Variants in CDK13 observed in about 807,000 individuals in gnomAD.
The protein encoded by CDK13 is cyclin dependent kinase 13, also known as cyclin-dependent kinase 13.
Under a neutral mutation model 137.6 loss-of-function variants are expected in CDK13, and 40 were observed. That is an observed-to-expected ratio of 0.29 (90% CI 0.23 to 0.38). The LOEUF (loss-of-function observed/expected upper bound fraction) is 0.38, where lower values mean the gene tolerates loss of function less well. Among genes scored for constraint, CDK13 ranks in the 10% least tolerant of loss-of-function variants. The pLI is 1.00. For missense variants in CDK13, 1,704 were observed against 1,951.8 expected (o/e 0.87, Z 2.39); for synonymous variants, 869 against 760.1 (o/e 1.14, Z -2.36).
Position 40,009,787 on chromosome 7 carries a change from T to G in CDK13, c.2353+7756T>G, listed in dbSNP as rs1364163835. 3.9e-5 allele frequency among the ~76,000 whole-genome samples: 6 copies of G among 152,202 alleles called. No homozygotes were observed. In the South Asian group the frequency reaches 1.0e-3, roughly 26 times the overall value. ...GTAGAAGGGAACTGCCTCAACCTGA[T>G]AAAGGACATCTTATGAAAAACAGGG... On this transcript the variant is annotated intron_variant, in intron 5 of 13. Coordinates refer to ENST00000181839, the MANE Select transcript of CDK13 (RefSeq NM_003718.5).
intron 9 of CDK13, among the ~76,000 whole-genome samples, chr7:40,076,293 A>G (rs905602104): frequency 6.6e-6 from 1 of 152,254 alleles, no homozygotes; most frequent in Non-Finnish European, 1.5e-5. Flanking sequence ...AGAAATGTCA[A>G]ACCAGTAGCA....
chr7:39,962,813 A>G (rs1783779850), intron 1 of CDK13, among the ~76,000 whole-genome samples: 1 of 152,180 alleles, frequency 6.6e-6, no homozygotes, highest in Non-Finnish European at 1.5e-5. Flanking sequence ...AGGTGTAAGG[A>G]AGGAATCCAG....
intron 12 of CDK13, among the ~76,000 whole-genome samples, chr7:40,090,114 GA>G (rs965731799): frequency 2.0e-5 from 3 of 152,148 alleles, no homozygotes; most frequent in Non-Finnish European, 4.4e-5. Context: ...GGCAATAACA[GA>G]AATTTTGGAT....
At chr7:40,080,771 G>A (rs28482038) in intron 11 of CDK13, among the ~76,000 whole-genome samples, 29,699 of 152,094 alleles carry the variant, frequency 0.2, 3,079 homozygotes, top group Middle Eastern at 0.31. Context: ...AGATTCAACA[G>A]TTAATAATAG....
intron 9 of CDK13, chr7:40,067,726 G>C (rs879563751): frequency 2.0e-5 from 3 of 151,386 alleles, no homozygotes; most frequent in Non-Finnish European, 2.9e-5. Flanking sequence ...AGGTGGGAGG[G>C]TCACTTGAGG....
At chr7:39,973,006 A>C (rs183356430) in intron 1 of CDK13, among the ~76,000 whole-genome samples, 105 of 152,244 alleles carry the variant, frequency 6.9e-4, no homozygotes, top group Non-Finnish European at 1.2e-3. Context: ...GTGGGATCAC[A>C]TTTTGGTTTA....
At chr7:39,979,036 GA>G (rs1784167569) in intron 1 of CDK13, among the ~76,000 whole-genome samples, 1 of 152,114 alleles carries the variant, frequency 6.6e-6, no homozygotes, top group Admixed American at 6.6e-5. Context: ...TGAGCTTGAT[GA>G]AAGTTGTGAA....
intron 7 of CDK13, among the ~76,000 whole-genome samples, chr7:40,050,575 T>C (rs554769449): frequency 1.1e-3 from 167 of 152,318 alleles, no homozygotes; most frequent in Non-Finnish European, 1.8e-3. Context: ...TATTTTTTAG[T>C]AGAGACAGGA....
intron 1 of CDK13, among the ~76,000 whole-genome samples, chr7:39,976,323 T>TCTCTCTCTCTCACACACACACACACA: frequency 4.5e-4 from 18 of 39,576 alleles, no homozygotes; most frequent in Non-Finnish European, 7.0e-4. Flanking sequence ...TCTCTCTCTC[T>TCTCTCTCTCTCACACACACACACACA]CACACACACA....
chr7:40,005,290 ATTTT>A (rs34406657), intron 5 of CDK13, among the ~76,000 whole-genome samples: 6 of 139,258 alleles, frequency 4.3e-5, no homozygotes, highest in Non-Finnish European at 4.6e-5. Flanking sequence ...TTTAAAGTGA[ATTTT>A]TTTTTTTTTT....
At chr7:39,971,911 A>AAGGTCCAG (rs1425089432) in intron 1 of CDK13, among the ~76,000 whole-genome samples, 12 of 152,126 alleles carry the variant, frequency 7.9e-5, no homozygotes, top group African/African-American at 2.9e-4. Context: ...AAAACAAAAA[A>AAGGTCCAG]AGGTCCAGCC....
At position 40,095,101 on chromosome 7, in the gene CDK13, G is replaced by C; in HGVS notation, c.*121G>C. The C allele has an allele frequency of 2.3e-6, 2 of 878,092 alleles. No homozygotes were observed. Among genetic ancestry groups the C allele is most frequent in the Non-Finnish European group, 3.2e-6 (2 of 631,836 alleles). 54.4% of individuals were successfully genotyped at this position (878,092 alleles called of 1,614,324 possible). A position where few individuals can be genotyped will look rare whatever the true frequency, so the allele number is the denominator to read the frequency against. On this transcript the variant is annotated 3_prime_UTR_variant, in exon 14 of 14. Coordinates refer to ENST00000181839, the MANE Select transcript of CDK13 (RefSeq NM_003718.5). Reference sequence around the variant, plus strand: ...TCAACAACAGCTTTATTTTTATGTGGAGAAGGGTCTTGCATACAATAGTTT... The same window carrying C: ...TCAACAACAGCTTTATTTTTATGTGCAGAAGGGTCTTGCATACAATAGTTT...
intron 5 of CDK13, among the ~76,000 whole-genome samples, chr7:40,023,774 C>T (rs549171928): frequency 1.3e-5 from 2 of 152,278 alleles, no homozygotes; most frequent in Admixed American, 6.5e-5. Context: ...CGTGAGCCAC[C>T]ACGCCCGGCC....
In CDK13 at chr7:40,094,815, CAACTAT is replaced by C. The variant is rs1787009814; in HGVS notation, c.4381_4386del (p.Asn1461_Tyr1462del). The C allele has an allele frequency of 6.3e-7, 1 of 1,585,638 alleles. No individual in the cohort carries two copies. Among genetic ancestry groups the C allele is most frequent in the Non-Finnish European group, 8.6e-7 (1 of 1,166,610 alleles). On this transcript the variant is annotated inframe_deletion, in exon 14 of 14. Coordinates refer to ENST00000181839, the MANE Select transcript of CDK13 (RefSeq NM_003718.5). ...CTCATCCTTTGCCAGCAAAGATGCACAACTATAACTATGGTGGTAACTTACAGGAAA... is the reference window on the plus strand; with the variant it reads ...CTCATCCTTTGCCAGCAAAGATGCACAACTATGGTGGTAACTTACAGGAAA...
chr7:39,950,738 TC>T lies in CDK13; in HGVS notation c.101del (p.Pro34LeufsTer107). On this transcript the variant is annotated frameshift_variant, in exon 1 of 14. Transcript: ENST00000181839. LOFTEE classifies it high-confidence loss of function. ...EERRKRRRFL[S>X]PQQPPLLLPL... is the part of the protein sequence containing the mutation. ...ACGCCGCAAGCGGAGGCGATTCCTG[TC>T]CCCTCAGCAGCCGCCGCTGCTGTTG... 1 of 1,470,016 alleles carries T rather than the reference TC, an allele frequency of 6.8e-7. No individual in the cohort carries two copies. The highest frequency in any genetic ancestry group is 8.9e-7 in the Non-Finnish European group (1 of 1,118,534). 91.1% of individuals were successfully genotyped at this position (1,470,016 alleles called of 1,614,324 possible).
intron 5 of CDK13, among the ~76,000 whole-genome samples, chr7:40,006,038 A>G (rs971556056): frequency 2.6e-5 from 4 of 152,186 alleles, no homozygotes; most frequent in African/African-American, 4.8e-5. Flanking sequence ...AACTTTTTCT[A>G]AACTAATTGG....
chr7:39,960,370 C>G (rs1787577443), intron 1 of CDK13, among the ~76,000 whole-genome samples: 4 of 151,626 alleles, frequency 2.6e-5, no homozygotes, highest in African/African-American at 7.3e-5. Flanking sequence ...ATTCTCCTGC[C>G]TCAGCCTCGC....
intron 1 of CDK13, among the ~76,000 whole-genome samples, chr7:39,976,323 T>TCTCTCACACACACACACACACACACACA: frequency 2.0e-4 from 8 of 39,576 alleles, no homozygotes; most frequent in Non-Finnish European, 2.9e-4. Flanking sequence ...TCTCTCTCTC[T>TCTCTCACACACACACACACACACACACA]CACACACACA....
rs749249137 is a variant in CDK13 at position 40,078,803 on chromosome 7, A to G, written c.2981A>G (p.Gln994Arg). 5.2e-6 allele frequency: 8 copies of G among 1,531,058 alleles called. No homozygotes were observed. Among genetic ancestry groups the G allele is most frequent in the South Asian group, 1.3e-5 (1 of 77,794 alleles). The allele number at this position is 1,531,058 out of a possible 1,614,324, so 94.8% of individuals were successfully genotyped here. A position where few individuals can be genotyped will look rare whatever the true frequency, so the allele number is the denominator to read the frequency against. The change falls in exon 11 of 14, where the codon CAG becomes CGG. Residue 994 changes from glutamine (Q) to arginine (R), a missense_variant. By Grantham distance (43) the Gln-to-Arg change is conservative. Transcript: ENST00000181839. ...CGCTGCACTGCTGAACAGGCTCTTC[A>G]GTGCGAGTTCCTCCGAGATGTGGAA... ...SKRCTAEQAL[Q>R]CEFLRDVEPS...
Sources: gnomAD v4.1 joint callset for allele counts (sites outside exome capture counted in the v4.1 genomes callset) on GRCh38, gnomAD v4.1.1 for gene constraint, MANE v1.5 for transcripts, NCBI Gene and HGNC (gene_info 2026-07-23, HGNC 2026-07-21) for gene names.